DOCK4: variants seen among roughly 807,000 people sequenced by gnomAD.
DOCK4 encodes the protein dedicator of cytokinesis protein 4.
DOCK4 carries 97 observed loss-of-function variants against 268.1 expected under a neutral mutation model. The ratio of observed to expected loss-of-function variants is 0.36; its 90% CI spans 0.31 to 0.43. The LOEUF (loss-of-function observed/expected upper bound fraction) is 0.43. Ranked by LOEUF, DOCK4 falls within the 20% of genes least tolerant of loss-of-function variation. DOCK4 has a pLI of 1.00. For synonymous variants in DOCK4, 954 were observed against 887.2 expected (o/e 1.08, Z -1.34); for missense variants, 2,145 against 2,455.7 (o/e 0.87, Z 2.67).
chr7:111,931,924 T>C (rs952383008), intron 12 of DOCK4, among the ~76,000 whole-genome samples: 1 of 152,206 alleles, frequency 6.6e-6, no homozygotes, highest in Non-Finnish European at 1.5e-5. Context: ...GAAAAAGCTC[T>C]TAAATACTAC....
chr7:111,790,412 A>G, intron 31 of DOCK4, 45 bp downstream of exon 31: 1 of 1,599,566 alleles, frequency 6.3e-7, no homozygotes, highest in South Asian at 1.1e-5. Flanking sequence ...ATGCTTCAGG[A>G]GAGCTGAAAC....
chr7:112,108,364 T>C (rs2115626410), intron 1 of DOCK4, among the ~76,000 whole-genome samples: 1 of 152,330 alleles, frequency 6.6e-6, no homozygotes, highest in Middle Eastern at 3.4e-3. Context: ...AAAAAGTGAC[T>C]GATCTAAACA....
rs752799118 is a variant in DOCK4, at chr7:112,056,800, C to T, written c.38-52669G>A. Among the ~76,000 whole-genome samples the T allele has an allele frequency of 7.9e-5, 12 of 152,002 alleles. 1 individual carries two copies. Among genetic ancestry groups the T allele is most frequent in the Non-Finnish European group, 1.2e-4 (8 of 68,000 alleles). On this transcript the variant is annotated intron_variant, in intron 1 of 52. Transcript: ENST00000428084. ...CTTCTGTGGTTTTACTTTAGTCAGCCATATAAGTAAAAACTGAAGATCTAA... is the reference window on the plus strand; with the variant it reads ...CTTCTGTGGTTTTACTTTAGTCAGCTATATAAGTAAAAACTGAAGATCTAA...
intron 16 of DOCK4, among the ~76,000 whole-genome samples, chr7:111,888,388 G>A (rs1440315920): frequency 6.6e-6 from 1 of 151,764 alleles, no homozygotes; most frequent in Non-Finnish European, 1.5e-5. Flanking sequence ...GTGGTCTAGT[G>A]GAGGAGAAAA....
chr7:111,886,572 T>A (rs1259673031), intron 16 of DOCK4, among the ~76,000 whole-genome samples: 1 of 151,864 alleles, frequency 6.6e-6, no homozygotes, highest in Non-Finnish European at 1.5e-5. Flanking sequence ...TTGACCTCAG[T>A]TGTAAAGGAT....
At chr7:111,731,195 C>T (rs752655438) in intron 52 of DOCK4, among the ~76,000 whole-genome samples, 31 of 152,140 alleles carry the variant, frequency 2.0e-4, no homozygotes, top group African/African-American at 6.3e-4. Context: ...CGAATTTCTA[C>T]GTCAGAAATT....
chr7:112,123,397 G>A (rs1330729288), intron 1 of DOCK4, among the ~76,000 whole-genome samples: 1 of 151,894 alleles, frequency 6.6e-6, no homozygotes, highest in Non-Finnish European at 1.5e-5. Flanking sequence ...CCCAACACGG[G>A]GATAAGAAAT....
intron 30 of DOCK4, among the ~76,000 whole-genome samples, chr7:111,791,976 A>G (rs1483884161): frequency 6.6e-6 from 1 of 152,236 alleles, no homozygotes; most frequent in Non-Finnish European, 1.5e-5. Context: ...AAATGTAACA[A>G]TAGTGAACCC....
intron 26 of DOCK4, among the ~76,000 whole-genome samples, chr7:111,826,626 A>G (rs1225808398): frequency 1.3e-5 from 2 of 152,188 alleles, no homozygotes; most frequent in Non-Finnish European, 2.9e-5. Context: ...GTGAATTAAC[A>G]TGGAAACAGA....
chr7:111,898,313 G>A (rs1478332907), intron 15 of DOCK4, among the ~76,000 whole-genome samples: 2 of 152,186 alleles, frequency 1.3e-5, no homozygotes, highest in Non-Finnish European at 2.9e-5. Context: ...TAGTCTCAAT[G>A]GCTCAGGCCT....
intron 1 of DOCK4, among the ~76,000 whole-genome samples, chr7:112,132,726 G>A (rs534034343): frequency 8.5e-4 from 129 of 152,256 alleles, no homozygotes; most frequent in African/African-American, 2.6e-3. Flanking sequence ...CAGAAAGTAG[G>A]AGGGAACATG....
chr7:111,863,420 G>A lies in DOCK4; in HGVS notation c.2425C>T (p.Leu809=). The A allele has an allele frequency of 6.2e-7, 1 of 1,614,044 alleles. No homozygotes were observed. Among genetic ancestry groups the A allele is most frequent in the Non-Finnish European group, 8.5e-7 (1 of 1,179,902 alleles). ...HVDDSLQAIK[L]QCIGKTVESQ... The stretch of plus-strand genomic sequence containing the variant: ...TCCACGGTTTTGCCAATGCACTGCA[G>A]TTTGATGGCCTGCAGGGAATCATCC... The change falls in exon 23 of 53, where the codon CTG becomes TTG. Residue 809 remains leucine (L), a synonymous_variant. Coordinates refer to ENST00000428084, the MANE Select transcript of DOCK4 (RefSeq NM_001363540.2).
intron 44 of DOCK4, among the ~76,000 whole-genome samples, chr7:111,742,479 A>C (rs1795984121): frequency 6.6e-6 from 1 of 152,068 alleles, no homozygotes; most frequent in Non-Finnish European, 1.5e-5. Context: ...GTGGAGAAGG[A>C]ATAGGGGCAT....
chr7:112,031,573 T>G (rs2135459545), intron 1 of DOCK4, among the ~76,000 whole-genome samples: 1 of 152,318 alleles, frequency 6.6e-6, no homozygotes, highest in Non-Finnish European at 1.5e-5. Flanking sequence ...ATTCCTAACC[T>G]TTAATCAAGT....
intron 17 of DOCK4, among the ~76,000 whole-genome samples, chr7:111,873,390 G>A (rs912295096): frequency 5.3e-5 from 8 of 152,214 alleles, no homozygotes; most frequent in African/African-American, 1.7e-4. Flanking sequence ...GGCATCTGGA[G>A]GCCAATGAAT....
At chr7:111,794,408 T>C (rs749334048) in intron 30 of DOCK4, among the ~76,000 whole-genome samples, 1 of 151,996 alleles carries the variant, frequency 6.6e-6, no homozygotes, top group Non-Finnish European at 1.5e-5. Context: ...TGAAATCACA[T>C]GGGGGAAACC....
Position 111,811,942 on chromosome 7 carries a change from T to A in DOCK4, c.2938A>T (p.Ile980Phe). The change falls in exon 28 of 53, where the codon ATT (isoleucine) becomes TTT (phenylalanine). Residue 980 changes from isoleucine (I) to phenylalanine (F), a missense_variant. Physicochemically the swap from Ile to Phe is conservative, Grantham distance 21 (BLOSUM62 0). Around this residue, in one of 2 missense-constraint regions of DOCK4, gnomAD observed 1,598 missense variants for 1,986.7 expected, o/e 0.80. Transcript: ENST00000428084. ...TCTGAGAGGTATAGAACTGTTGTAA[T>A]AATAACACTAGTGATAAAAAAAATG... ...VMRLVANNVI[I>F]TTVLYLSDAL... 1 of 1,498,948 alleles carries A rather than the reference T, an allele frequency of 6.7e-7. No individual in the cohort carries two copies. Among genetic ancestry groups the A allele is most frequent in the South Asian group, 1.2e-5 (1 of 80,864 alleles). 92.9% of individuals were successfully genotyped at this position (1,498,948 alleles called of 1,614,324 possible).
At chr7:111,788,637 A>C in intron 32 of DOCK4, 25 bp downstream of exon 32, 1 of 1,553,296 alleles carries the variant, frequency 6.4e-7, no homozygotes, top group Admixed American at 1.9e-5. Context: ...GAATGGAATC[A>C]ACTTGAGATA....
Position 111,783,971 on chromosome 7 carries a change from G to C in DOCK4, c.3429-19C>G, listed in dbSNP as rs750033934. 2.7e-5 allele frequency: 43 copies of C among 1,583,420 alleles called. No homozygotes were observed. Among genetic ancestry groups the C allele is most frequent in the Non-Finnish European group, 3.5e-5 (41 of 1,163,844 alleles). ...TAGTAGACTGGAAAAGAAAGAACCC[G>C]GGGCATTTTCAACATTTATTTTTAT... is the stretch of plus-strand genomic sequence containing the variant. On this transcript the variant is annotated intron_variant, in intron 33 of 52. Transcript: ENST00000428084.
Sources: gnomAD v4.1 joint callset for allele counts (sites outside exome capture counted in the v4.1 genomes callset) on GRCh38, gnomAD v4.1.1 for gene constraint, gnomAD v4.1.1 regional missense constraint, MANE v1.5 for transcripts, NCBI Gene and HGNC (gene_info 2026-07-23, HGNC 2026-07-21) for gene names.